WWOX: variants seen among roughly 807,000 people sequenced by gnomAD.
WWOX encodes the protein WW domain containing oxidoreductase.
A neutral mutation model predicts 46.2 loss-of-function variants in WWOX; 69 were observed. The ratio of observed to expected loss-of-function variants is 1.49; its 90% CI spans 1.23 to 1.82. The LOEUF (loss-of-function observed/expected upper bound fraction) is 1.82, where lower values mean the gene tolerates loss of function less well. Among genes scored for constraint, WWOX ranks in the 40% most tolerant of loss-of-function variants. The pLI is 0.00. For synonymous variants in WWOX, 359 were observed against 202.6 expected, an observed-to-expected ratio of 1.77 and a Z score of -6.56; for missense variants, 919 against 542.6, an observed-to-expected ratio of 1.69 and a Z score of -6.89.
intron 8 of WWOX, among the ~76,000 whole-genome samples, chr16:78,569,646 G>C (rs914954526): frequency 2.0e-5 from 3 of 152,186 alleles, no homozygotes; most frequent in African/African-American, 7.2e-5. Context: ...CACAGTTATA[G>C]AGTAGACATA....
intron 8 of WWOX, among the ~76,000 whole-genome samples, chr16:78,448,057 G>A (rs1372645863): frequency 2.0e-5 from 3 of 152,144 alleles, no homozygotes; most frequent in African/African-American, 4.8e-5. Context: ...GCCTGCCTCA[G>A]CCTCCCGATG....
chr16:79,097,561 A>C (rs2049102265), intron 8 of WWOX, among the ~76,000 whole-genome samples: 2 of 152,138 alleles, frequency 1.3e-5, no homozygotes, highest in Non-Finnish European at 2.9e-5. Flanking sequence ...TATTAGGAAA[A>C]AACATAACCC....
intron 8 of WWOX, among the ~76,000 whole-genome samples, chr16:78,718,356 C>T (rs568411021): frequency 1.1e-4 from 16 of 151,948 alleles, no homozygotes; most frequent in South Asian, 6.2e-4. Context: ...TTTAAAAAAA[C>T]GACTAGCTCA....
At chr16:78,237,568 T>C (rs1202510055) in intron 5 of WWOX, 1 of 152,126 alleles carries the variant, frequency 6.6e-6, no homozygotes, top group Admixed American at 6.5e-5. Flanking sequence ...GGCCCCTGGT[T>C]GACCTGGAAT....
At chr16:78,118,933 T>A (rs1435013421) in intron 4 of WWOX, 2 of 152,152 alleles carry the variant, frequency 1.3e-5, no homozygotes, top group East Asian at 3.8e-4. Flanking sequence ...CACTCTTCTC[T>A]CCTTGACCTT....
At chr16:79,125,025 A>C (rs2049720724) in intron 8 of WWOX, among the ~76,000 whole-genome samples, 1 of 147,208 alleles carries the variant, frequency 6.8e-6, no homozygotes, top group Non-Finnish European at 1.5e-5. Flanking sequence ...TGCCTGTCTG[A>C]CTCTGAAACC....
chr16:78,257,673 T>C lies in WWOX; in HGVS notation c.516+93384T>C, dbSNP rs562917949. ...TTTTTCCATCTCCATTCCTTCTGCA[T>C]TGGGAGGCTTAAAAAAAAGAAAAAT... is the stretch of plus-strand genomic sequence containing the variant. On this transcript the variant is annotated intron_variant, in intron 5 of 8. Coordinates refer to ENST00000566780, the MANE Select transcript of WWOX (RefSeq NM_016373.4). Among the ~76,000 whole-genome samples the C allele has an allele frequency of 1.1e-4, 15 of 141,182 alleles. No homozygotes were observed. The South Asian group carries it at 3.2e-3, about 30-fold the overall frequency. The allele number at this position is 141,182 out of a possible 152,430, so 92.6% of individuals were successfully genotyped here. A position where few individuals can be genotyped will look rare whatever the true frequency, so the allele number is the denominator to read the frequency against.
intron 5 of WWOX, among the ~76,000 whole-genome samples, chr16:78,232,188 A>G (rs1243952109): frequency 6.6e-6 from 1 of 152,206 alleles, no homozygotes; most frequent in African/African-American, 2.4e-5. Context: ...TAAAATTGCC[A>G]GAGTAGGAAA....
intron 8 of WWOX, among the ~76,000 whole-genome samples, chr16:78,507,742 C>T (rs1002879713): frequency 9.9e-5 from 15 of 152,140 alleles, no homozygotes; most frequent in African/African-American, 3.6e-4. Context: ...GGAGGAAACA[C>T]AGTCTTACTG....
intron 8 of WWOX, among the ~76,000 whole-genome samples, chr16:79,079,940 C>A (rs900489459): frequency 4.5e-4 from 49 of 108,464 alleles, no homozygotes; most frequent in Admixed American, 6.7e-4. Context: ...CCTTCCACCC[C>A]CTGGGATGCT....
intron 5 of WWOX, among the ~76,000 whole-genome samples, chr16:78,380,778 C>G (rs1303375697): frequency 2.0e-5 from 3 of 152,098 alleles, no homozygotes; most frequent in East Asian, 1.9e-4. Flanking sequence ...ATACAAGAAG[C>G]AGTAACTTGC....
rs1317806124 is a variant in WWOX, at chr16:78,528,214, C to T, written c.1056+95462C>T. 3.2e-5 allele frequency among the ~76,000 whole-genome samples: 4 copies of T among 126,202 alleles called. No homozygotes were observed. The East Asian group carries it at 9.6e-4, about 30-fold the overall frequency. 82.8% of individuals were successfully genotyped at this position (126,202 alleles called of 152,430 possible). Reference sequence around the variant, plus strand: ...CATTTTTAGTCGAGACAGGGTTTCACCGTGTTAGCCAGGATGGTCTCGGTC... The same window carrying T: ...CATTTTTAGTCGAGACAGGGTTTCATCGTGTTAGCCAGGATGGTCTCGGTC... On this transcript the variant is annotated intron_variant, in intron 8 of 8. Transcript: ENST00000566780.
At chr16:78,980,057 G>A (rs755018371) in intron 8 of WWOX, among the ~76,000 whole-genome samples, 2 of 152,166 alleles carry the variant, frequency 1.3e-5, no homozygotes, top group Non-Finnish European at 2.9e-5. Flanking sequence ...GAACTCAGAA[G>A]GCCAAGGTTG....
At chr16:78,496,096 G>A (rs2084912528) in intron 8 of WWOX, 1 of 151,988 alleles carries the variant, frequency 6.6e-6, no homozygotes, top group Non-Finnish European at 1.5e-5. Flanking sequence ...TTTCCACCTG[G>A]TACTATTTGG....
At chr16:78,556,986 A>C (rs1289761375) in intron 8 of WWOX, among the ~76,000 whole-genome samples, 1 of 152,064 alleles carries the variant, frequency 6.6e-6, no homozygotes. Context: ...CCCAAAGTGC[A>C]GGGATTAAGG....
At chr16:78,334,828 AC>A (rs1567508414) in intron 5 of WWOX, among the ~76,000 whole-genome samples, 1 of 106,992 alleles carries the variant, frequency 9.3e-6, no homozygotes, top group Non-Finnish European at 1.8e-5. Flanking sequence ...ACACACACAC[AC>A]ACATACACAC....
chr16:78,468,764 G>T (rs2084147782), intron 8 of WWOX, among the ~76,000 whole-genome samples: 1 of 152,176 alleles, frequency 6.6e-6, no homozygotes, highest in Admixed American at 6.6e-5. Context: ...TGGATCAAAT[G>T]AGTTGGAGTG....
At chr16:78,625,673 A>ATAATAC (rs1213868898) in intron 8 of WWOX, among the ~76,000 whole-genome samples, 1 of 151,642 alleles carries the variant, frequency 6.6e-6, no homozygotes, top group Non-Finnish European at 1.5e-5. Context: ...AATAGTAATA[A>ATAATAC]TAATACTCGG....
chr16:78,907,431 A>G (rs2044995209), intron 8 of WWOX, among the ~76,000 whole-genome samples: 2 of 152,212 alleles, frequency 1.3e-5, no homozygotes, highest in South Asian at 2.1e-4. Flanking sequence ...CTTTAGCAGA[A>G]TTCAGGCTCC....
Sources: allele counts gnomAD v4.1 joint callset (sites outside exome capture counted in the v4.1 genomes callset), GRCh38; gene constraint gnomAD v4.1.1; transcripts MANE v1.5; gene names NCBI Gene and HGNC (gene_info 2026-07-23, HGNC 2026-07-21).